The following PCDHGA1 variants were observed in gnomAD, a reference collection of about 807,000 sequenced individuals.
PCDHGA1 encodes protocadherin gamma subfamily A, 1.
In PCDHGA1, 32 loss-of-function variants were observed where a neutral mutation model predicts 58.0. The ratio of observed to expected loss-of-function variants is 0.55; its 90% confidence interval spans 0.42 to 0.74. PCDHGA1 has a LOEUF of 0.74. Ranked by LOEUF, PCDHGA1 falls within the 30% of genes least tolerant of loss-of-function variation. The pLI is 0.00. For synonymous variants in PCDHGA1, 498 were observed against 501.1 expected (o/e 0.99, Z 0.08); for missense variants, 1,205 against 1,182.3 (o/e 1.02, Z -0.28).
intron 1 of PCDHGA1, chr5:141,415,772 T>TTC: frequency 7.5e-7 from 1 of 1,332,986 alleles, no homozygotes; most frequent in Non-Finnish European, 9.6e-7. Flanking sequence ...TTTTTTTTTT[T>TTC]ACTTTCTGGT....
intron 1 of PCDHGA1, chr5:141,345,332 C>T (rs1561489716): frequency 6.2e-7 from 1 of 1,613,984 alleles, no homozygotes; most frequent in Non-Finnish European, 8.5e-7. Flanking sequence ...CGCCACTGTC[C>T]ACAGAAACTC....
chr5:141,477,361 G>A lies in PCDHGA1; in HGVS notation c.2422-17446G>A. The A allele has an allele frequency of 6.2e-7, 1 of 1,614,172 alleles. No individual in the cohort carries two copies. The highest frequency in any genetic ancestry group is 8.5e-7 in the Non-Finnish European group (1 of 1,180,032). Reference sequence around the variant, plus strand: ...TCACTTTGAAAACCAGTGCAGACCTGGATCGGGAGACTGTGCCAGAATACA... The same window carrying A: ...TCACTTTGAAAACCAGTGCAGACCTAGATCGGGAGACTGTGCCAGAATACA... On this transcript the variant is annotated intron_variant, in intron 1 of 3. Coordinates refer to ENST00000517417, the MANE Select transcript of PCDHGA1 (RefSeq NM_018912.3). The surrounding 1 kb of genome is among the most constrained non-coding windows in gnomAD (Gnocchi z 4.9).
At position 141,332,922 on chromosome 5, in the gene PCDHGA1, TC is replaced by T; in HGVS notation, c.2239del (p.Arg747GlyfsTer22). On this transcript the variant is annotated frameshift_variant, in exon 1 of 4. Transcript: ENST00000517417. LOFTEE classifies it high-confidence loss of function. The surrounding 1 kb of genome is among the most constrained non-coding windows in gnomAD (Gnocchi z 4.6). ...CGCACTTTGTGGGCGTGGACGGGGT[TC>T]GGGCTTTCCTGCAGACCTATTCCCA... ...GSHFVGVDGV[R>X]AFLQTYSHEV... 1 of 1,614,202 alleles carries T rather than the reference TC, an allele frequency of 6.2e-7. No homozygotes were observed. The highest frequency in any genetic ancestry group is 2.2e-5 in the East Asian group (1 of 44,878).
chr5:141,502,402 A>T (rs1317862793), intron 2 of PCDHGA1, among the ~76,000 whole-genome samples: 1 of 151,976 alleles, frequency 6.6e-6, no homozygotes, highest in Admixed American at 6.6e-5. Flanking sequence ...AATGTCCCCG[A>T]ACCTGGATTT....
At chr5:141,413,417 T>C in intron 1 of PCDHGA1, 18 of 1,614,086 alleles carry the variant, frequency 1.1e-5, no homozygotes, top group Non-Finnish European at 1.5e-5. Context: ...CTTTTCTCTC[T>C]GAACCCGCGC....
At chr5:141,496,630 T>C (rs2099770022) in intron 2 of PCDHGA1, among the ~76,000 whole-genome samples, 1 of 152,202 alleles carries the variant, frequency 6.6e-6, no homozygotes, top group Non-Finnish European at 1.5e-5. Context: ...TCAAAAGGCT[T>C]GGGCTGCCCT....
At chr5:141,449,137 A>C (rs1257120647) in intron 1 of PCDHGA1, among the ~76,000 whole-genome samples, 1 of 152,176 alleles carries the variant, frequency 6.6e-6, no homozygotes, top group Non-Finnish European at 1.5e-5. Context: ...AATGGAATTG[A>C]AATTGCTGGG....
At chr5:141,410,847 G>GTATTT in intron 1 of PCDHGA1, 1 of 158,252 alleles carries the variant, frequency 6.3e-6, no homozygotes. Flanking sequence ...TTTTGTCTTT[G>GTATTT]TCTTTTTTTT....
intron 1 of PCDHGA1, chr5:141,403,227 G>T: frequency 1.9e-6 from 3 of 1,608,966 alleles, no homozygotes; most frequent in Non-Finnish European, 2.6e-6. Context: ...AGGATAGACC[G>T]GGAGGAGCTC....
chr5:141,382,990 A>T, intron 1 of PCDHGA1: 4 of 1,613,412 alleles, frequency 2.5e-6, no homozygotes, highest in Non-Finnish European at 3.4e-6. Context: ...GGCAGGACGT[A>T]TTCTCTACTC....
chr5:141,385,325 T>C (rs1781126490), intron 1 of PCDHGA1: 2 of 1,606,594 alleles, frequency 1.2e-6, no homozygotes, highest in Admixed American at 3.4e-5. Flanking sequence ...AGTATTCAGG[T>C]GAGCCCAGCC....
intron 1 of PCDHGA1, among the ~76,000 whole-genome samples, chr5:141,481,556 G>T (rs553126587): frequency 6.6e-6 from 1 of 152,148 alleles, no homozygotes; most frequent in African/African-American, 2.4e-5. Flanking sequence ...AGTGGCTCAC[G>T]CCTGTAATCC....
At chr5:141,395,521 T>C in intron 1 of PCDHGA1, 1 of 388,366 alleles carries the variant, frequency 2.6e-6, no homozygotes, top group East Asian at 5.0e-5. Context: ...TACCCGTCCA[T>C]ACTGGTAATT....
At chr5:141,345,571 T>C (rs759654962) in intron 1 of PCDHGA1, 3 of 1,614,126 alleles carry the variant, frequency 1.9e-6, no homozygotes, top group South Asian at 2.2e-5. Context: ...AACACTGGCG[T>C]CCTATACGCG....
chr5:141,408,656 C>G (rs1367377855), intron 1 of PCDHGA1: 1 of 1,614,030 alleles, frequency 6.2e-7, no homozygotes, highest in South Asian at 1.1e-5. Flanking sequence ...TGGTACACGA[C>G]TATCGCTTGA....
intron 1 of PCDHGA1, among the ~76,000 whole-genome samples, chr5:141,446,174 G>A (rs1242027176): frequency 1.3e-5 from 2 of 152,062 alleles, no homozygotes; most frequent in Non-Finnish European, 2.9e-5. Context: ...GAGGGCAGGG[G>A]GTGTTTTGTT....
At chr5:141,371,686 C>A (rs377384867) in intron 1 of PCDHGA1, 4 of 1,613,910 alleles carry the variant, frequency 2.5e-6, no homozygotes, top group Non-Finnish European at 3.4e-6. Flanking sequence ...GGCAATCCAC[C>A]GCTCTCCTCC....
intron 1 of PCDHGA1, chr5:141,394,449 A>G (rs773696678): frequency 2.5e-6 from 4 of 1,614,112 alleles, no homozygotes; most frequent in Admixed American, 1.7e-5. Context: ...CAGCAGCAAC[A>G]TGTCACTGAG....
chr5:141,489,084 C>G lies in PCDHGA1; in HGVS notation c.2422-5723C>G. ...CTCCCCCCTGCCCACCCCCGCCACT[C>G]GGTGACTAAGAACTGCTGCAAGCAG... On this transcript the variant is annotated intron_variant, in intron 1 of 3. Transcript: ENST00000517417. This position sits in a 1 kb window ranked among gnomAD's most constrained non-coding sequence, Gnocchi z 4.5. 6.1e-6 allele frequency: 2 copies of G among 329,126 alleles called. No homozygotes were observed. The highest frequency in any genetic ancestry group is 2.5e-5 in the African/African-American group (1 of 40,384). 20.4% of individuals were successfully genotyped at this position (329,126 alleles called of 1,614,324 possible). A position where few individuals can be genotyped will look rare whatever the true frequency, so the allele number is the denominator to read the frequency against.
Sources: allele counts gnomAD v4.1 joint callset (sites outside exome capture counted in the v4.1 genomes callset), GRCh38; gene constraint gnomAD v4.1.1; non-coding constraint Gnocchi (gnomAD v3.1); transcripts MANE v1.5; gene names NCBI Gene and HGNC (gene_info 2026-07-23, HGNC 2026-07-21).